ADGB: variants seen among roughly 807,000 people sequenced by gnomAD.
ADGB encodes the protein androglobin.
In ADGB, 172 loss-of-function variants were observed where a neutral mutation model predicts 210.5. That is an observed-to-expected ratio of 0.82 (90% CI 0.72 to 0.93). ADGB has a LOEUF of 0.93. Among genes scored for constraint, ADGB ranks in the 40% least tolerant of loss-of-function variants. ADGB has a pLI of 0.00. For synonymous variants in ADGB, 658 were observed against 662.7 expected (o/e 0.99, Z 0.11); for missense variants, 2,025 against 1,964.8 (o/e 1.03, Z -0.58).
chr6:146,650,794 C>T lies in ADGB; in HGVS notation c.331-3341C>T, dbSNP rs948778730. On this transcript the variant is annotated intron_variant, in intron 3 of 35. Transcript: ENST00000397944. ...AGGGGCAAGACTAAACAGACACAAA[C>T]GCCAACGGATCTGACGCAGACAGAG... Among the ~76,000 whole-genome samples, 6 of 151,986 alleles carry T rather than the reference C, an allele frequency of 3.9e-5. No homozygotes were observed. The South Asian group carries it at 8.3e-4, about 21-fold the overall frequency.
rs190606176 is a variant in ADGB, at chr6:146,599,039, C to T, written c.-2C>T. ...TCAGCCCTACATAGATCGGCTTCTG[C>T]CATGGCCTCCAAACAAACCAAAAAG... is the stretch of plus-strand genomic sequence containing the variant. On this transcript the variant is annotated 5_prime_UTR_variant, in exon 1 of 36. Transcript: ENST00000397944. 637 of 1,551,516 alleles carry T rather than the reference C, an allele frequency of 4.1e-4. 2 individuals carry two copies. The African/African-American group carries it at 8.0e-3, about 20-fold the overall frequency.
At chr6:146,624,389 C>T (rs1014680904) in intron 1 of ADGB, among the ~76,000 whole-genome samples, 1 of 151,414 alleles carries the variant, frequency 6.6e-6, no homozygotes, top group Non-Finnish European at 1.5e-5. Flanking sequence ...ATTTTTTTAT[C>T]CCTTTGATAT....
At chr6:146,650,485 C>A (rs1775684675) in intron 3 of ADGB, among the ~76,000 whole-genome samples, 1 of 150,412 alleles carries the variant, frequency 6.6e-6, no homozygotes, top group Non-Finnish European at 1.5e-5. Flanking sequence ...AAACAAGCCA[C>A]AATATGTAAC....
Position 146,716,932 on chromosome 6 carries a change from T to C in ADGB, c.1791T>C (p.Asp597=), listed in dbSNP as rs779492744. ...GATTGGGTGATGCTCATCAGAGTGATGGATTAAACTTGGAAAGAGAGATAG... is the reference window on the plus strand; with the variant it reads ...GATTGGGTGATGCTCATCAGAGTGACGGATTAAACTTGGAAAGAGAGATAG... ...DFGLGDAHQS[D]GLNLEREIVS... The change falls in exon 15 of 36, where the codon GAT becomes GAC. Residue 597 remains aspartate (D), a synonymous_variant. Coordinates refer to ENST00000397944, the MANE Select transcript of ADGB (RefSeq NM_024694.4). 8 of 1,551,356 alleles carry C rather than the reference T, an allele frequency of 5.2e-6. No individual in the cohort carries two copies. The highest frequency in any genetic ancestry group is 8.7e-7 in the Non-Finnish European group (1 of 1,146,868).
Position 146,685,825 on chromosome 6 carries a change from G to A in ADGB, c.1308G>A (p.Lys436=), listed in dbSNP as rs1776224473. 1 of 1,522,900 alleles carries A rather than the reference G, an allele frequency of 6.6e-7. No homozygotes were observed. The highest frequency in any genetic ancestry group is 2.1e-5 in the Admixed American group (1 of 47,790). The allele number at this position is 1,522,900 out of a possible 1,614,324, so 94.3% of individuals were successfully genotyped here. A position where few individuals can be genotyped will look rare whatever the true frequency, so the allele number is the denominator to read the frequency against. ...AAAACAAGATCTTTTCATTAGAGAA[G>A]ATGGTAAGCATTCAAGCTTAGGAAA... ...LFENKIFSLE[K]MADSAEKLRE... is the part of the protein sequence containing the mutation. The change falls in exon 10 of 36, where the codon AAG becomes AAA. Residue 436 remains lysine, a synonymous_variant. Coordinates refer to ENST00000397944, the MANE Select transcript of ADGB (RefSeq NM_024694.4).
chr6:146,644,874 G>T lies in ADGB; in HGVS notation c.330+9G>T, dbSNP rs531750493. 2.1e-5 allele frequency: 30 copies of T among 1,431,870 alleles called. No homozygotes were observed. Among genetic ancestry groups the T allele is most frequent in the Middle Eastern group, 2.0e-4 (1 of 5,006 alleles). 88.7% of individuals were successfully genotyped at this position (1,431,870 alleles called of 1,614,324 possible). ...ATATTTTATTTAGTCAGGTAAGAAA[G>T]TTTTTTCTATTAAATAAAATACTTA... On this transcript the variant is annotated intron_variant, in intron 3 of 35. Coordinates refer to ENST00000397944, the MANE Select transcript of ADGB (RefSeq NM_024694.4).
intron 35 of ADGB, among the ~76,000 whole-genome samples, chr6:146,806,755 G>T (rs1364508493): frequency 6.6e-6 from 1 of 152,216 alleles, no homozygotes; most frequent in Admixed American, 6.5e-5. Flanking sequence ...AGATGAAGGA[G>T]AAAAGGAGAA....
intron 3 of ADGB, among the ~76,000 whole-genome samples, chr6:146,649,663 CT>C (rs1473721896): frequency 6.6e-6 from 1 of 151,656 alleles, no homozygotes; most frequent in Non-Finnish European, 1.5e-5. Context: ...GATAATTTTT[CT>C]ATTTTTTGTA....
chr6:146,660,447 C>T (rs1775839817), intron 5 of ADGB, among the ~76,000 whole-genome samples: 2 of 152,162 alleles, frequency 1.3e-5, no homozygotes, highest in South Asian at 2.1e-4. Context: ...TTATATCCTC[C>T]TAAGCTTTCT....
chr6:146,647,823 A>G (rs1025790813), intron 3 of ADGB, among the ~76,000 whole-genome samples: 1 of 152,040 alleles, frequency 6.6e-6, no homozygotes, highest in Non-Finnish European at 1.5e-5. Flanking sequence ...ATAAGTTTTT[A>G]AAAGAAACAA....
chr6:146,619,466 G>A (rs1223510659), intron 1 of ADGB, among the ~76,000 whole-genome samples: 1 of 151,812 alleles, frequency 6.6e-6, no homozygotes, highest in South Asian at 2.1e-4. Flanking sequence ...CCCTCTTACT[G>A]TATTTCTTTA....
chr6:146,700,844 C>G (rs775461495), intron 12 of ADGB, 97 bp from the exon 13 acceptor site: 11 of 1,348,444 alleles, frequency 8.2e-6, no homozygotes, highest in Non-Finnish European at 1.1e-5. Flanking sequence ...AGAACACAAT[C>G]AGAACTTTCT....
rs1055930650 is a variant in ADGB at position 146,691,098 on chromosome 6, T to A, written c.1312-18T>A. 1.3e-6 allele frequency: 2 copies of A among 1,508,384 alleles called. No homozygotes were observed. The highest frequency in any genetic ancestry group is 1.8e-6 in the Non-Finnish European group (2 of 1,127,440). The allele number at this position is 1,508,384 out of a possible 1,614,324, so 93.4% of individuals were successfully genotyped here. On this transcript the variant is annotated intron_variant, in intron 10 of 35. Transcript: ENST00000397944. ...TGAATGAAGGAGAATGCTTTTCAAT[T>A]TACTTTCCATCTTCTAGGCAGATTC...
intron 9 of ADGB, among the ~76,000 whole-genome samples, chr6:146,684,207 T>A (rs1028856009): frequency 6.6e-6 from 1 of 152,110 alleles, no homozygotes; most frequent in African/African-American, 2.4e-5. Context: ...AACTGCTTAA[T>A]CTTGAACCTG....
chr6:146,618,181 A>T (rs529468683), intron 1 of ADGB, among the ~76,000 whole-genome samples: 85 of 151,702 alleles, frequency 5.6e-4, no homozygotes, highest in Non-Finnish European at 1.0e-3. Context: ...ACAGTTGTTC[A>T]TAACAGTCTC....
chr6:146,790,997 G>T (rs1777946998), intron 33 of ADGB, among the ~76,000 whole-genome samples: 1 of 152,068 alleles, frequency 6.6e-6, no homozygotes, highest in African/African-American at 2.4e-5. Flanking sequence ...CTTCTTTTGA[G>T]TAATATCTAT....
chr6:146,706,475 G>A (rs1776570816), intron 13 of ADGB, among the ~76,000 whole-genome samples: 1 of 151,748 alleles, frequency 6.6e-6, no homozygotes. Flanking sequence ...GGCCAGGATG[G>A]TTTTGATCTC....
chr6:146,683,197 CT>C (rs1216712617), intron 9 of ADGB, among the ~76,000 whole-genome samples: 2 of 152,078 alleles, frequency 1.3e-5, no homozygotes, highest in Non-Finnish European at 2.9e-5. Context: ...GGGAAATAAA[CT>C]TCTGTTCTTT....
At chr6:146,656,238 A>G (rs1015281274) in intron 4 of ADGB, among the ~76,000 whole-genome samples, 4 of 152,184 alleles carry the variant, frequency 2.6e-5, no homozygotes, top group Admixed American at 6.5e-5. Context: ...GGGACGTTTT[A>G]CTTAGAGCAT....
Sources: gnomAD v4.1 joint callset for allele counts (sites outside exome capture counted in the v4.1 genomes callset) on GRCh38, gnomAD v4.1.1 for gene constraint, MANE v1.5 for transcripts, NCBI Gene and HGNC (gene_info 2026-07-23, HGNC 2026-07-21) for gene names.